IL16: variants seen among roughly 807,000 people sequenced by gnomAD.
The protein encoded by IL16 is pro-interleukin-16.
IL16 carries 67 observed loss-of-function variants against 110.1 expected under a neutral mutation model. The observed-to-expected ratio is 0.61, with a 90% CI of 0.50 to 0.75. The LOEUF (loss-of-function observed/expected upper bound fraction) is 0.75, where lower values mean the gene tolerates loss of function less well. IL16 is among the 30% of genes least tolerant of loss of function. The pLI is 0.00. For missense variants in IL16, 1,545 were observed against 1,655.0 expected, an observed-to-expected ratio of 0.93 and a Z score of 1.15; for synonymous variants, 689 against 662.9, an observed-to-expected ratio of 1.04 and a Z score of -0.61.
At chr15:81,288,200 A>C (rs147885880) in intron 10 of IL16, among the ~76,000 whole-genome samples, 9 of 152,318 alleles carry the variant, frequency 5.9e-5, no homozygotes, top group African/African-American at 1.9e-4. Context: ...GGGCACAGGC[A>C]TAGGGCAGAG....
chr15:81,188,231 T>C, intron 1 of IL16: 1 of 430,746 alleles, frequency 2.3e-6, no homozygotes, highest in South Asian at 1.7e-5. Flanking sequence ...TTGCAGGTAG[T>C]GTCGGGCAGA....
intron 1 of IL16, among the ~76,000 whole-genome samples, chr15:81,199,798 C>T (rs1440182112): frequency 6.6e-6 from 1 of 152,214 alleles, no homozygotes; most frequent in South Asian, 2.1e-4. Flanking sequence ...TTTCTGCAGT[C>T]TGGCATCGGC....
intron 18 of IL16, 119 bp downstream of exon 18, chr15:81,306,664 A>C: frequency 8.0e-7 from 1 of 1,242,410 alleles, no homozygotes; most frequent in Non-Finnish European, 1.2e-6. Flanking sequence ...TGTCCTCTTC[A>C]TAGGCATGCT....
At chr15:81,271,517 G>A (rs1242726980) in intron 5 of IL16, among the ~76,000 whole-genome samples, 2 of 152,004 alleles carry the variant, frequency 1.3e-5, no homozygotes, top group Non-Finnish European at 2.9e-5. Flanking sequence ...ATATGGAGAC[G>A]GGGGACCTGG....
chr15:81,259,070 TAA>T (rs952704256), intron 2 of IL16, among the ~76,000 whole-genome samples: 3 of 152,254 alleles, frequency 2.0e-5, no homozygotes, highest in African/African-American at 7.2e-5. Flanking sequence ...AGAAAAAGGA[TAA>T]GAGAACCATA....
At chr15:81,206,477 A>G (rs1368104636) in intron 1 of IL16, among the ~76,000 whole-genome samples, 1 of 152,242 alleles carries the variant, frequency 6.6e-6, no homozygotes, top group Non-Finnish European at 1.5e-5. Context: ...TCACATTTGA[A>G]TATATACATA....
intron 6 of IL16, among the ~76,000 whole-genome samples, chr15:81,276,188 C>T (rs941674674): frequency 6.6e-6 from 1 of 152,158 alleles, no homozygotes; most frequent in Non-Finnish European, 1.5e-5. Flanking sequence ...TTTTATTTTT[C>T]ACTTTGGCTC....
chr15:81,233,591 C>T (rs2032017727), intron 2 of IL16, among the ~76,000 whole-genome samples: 2 of 151,008 alleles, frequency 1.3e-5, no homozygotes, highest in African/African-American at 4.9e-5. Context: ...AATATATATA[C>T]ATGCATATAC....
intron 5 of IL16, among the ~76,000 whole-genome samples, chr15:81,270,696 A>T (rs867878810): frequency 6.6e-6 from 1 of 152,322 alleles, no homozygotes; most frequent in East Asian, 1.9e-4. Context: ...AATTGTTTGC[A>T]GTGCCCAAAA....
chr15:81,252,656 G>A (rs1328624407), intron 2 of IL16, among the ~76,000 whole-genome samples: 5 of 152,128 alleles, frequency 3.3e-5, no homozygotes, highest in African/African-American at 7.2e-5. Context: ...ATTCCTGCCC[G>A]ATCCCTAATT....
intron 1 of IL16, among the ~76,000 whole-genome samples, chr15:81,218,503 T>C (rs531791666): frequency 5.3e-4 from 80 of 152,302 alleles, no homozygotes; most frequent in Non-Finnish European, 1.6e-4. Context: ...TCACAACTAC[T>C]AGCTGACAAA....
At position 81,185,262 on chromosome 15, in the gene IL16, G is replaced by A. The variant is rs182502342; in HGVS notation, c.40+2366G>A. 4.6e-4 allele frequency among the ~76,000 whole-genome samples: 70 copies of A among 152,212 alleles called. No individual in the cohort carries two copies. In the Middle Eastern group the frequency reaches 0.01, roughly 22 times the overall value. On this transcript the variant is annotated intron_variant, in intron 1 of 18. Transcript: ENST00000302987. ...CATGGATATAGTTTTATTACTCTCC[G>A]TCTCCTCCTAATTTCCTATTTACTT...
At chr15:81,282,825 C>G (rs780696296) in intron 9 of IL16, 69 bp downstream of exon 9, 3 of 1,162,496 alleles carry the variant, frequency 2.6e-6, no homozygotes, top group Non-Finnish European at 3.9e-6. Context: ...CTTAGAATGT[C>G]GGGAGATTGA....
At chr15:81,260,117 G>C (rs763923362) in intron 3 of IL16, among the ~76,000 whole-genome samples, 3 of 152,142 alleles carry the variant, frequency 2.0e-5, no homozygotes. Context: ...AGAAGAGACC[G>C]GGCTTTACTC....
rs267604343 is a variant in IL16 at position 81,308,688 on chromosome 15, C to A, written c.3889C>A (p.Arg1297=). ...TGGCACTGCCATGCAGGGCCTCACA[C>A]GGTTTGAAGCCTGGAACATCATCAA... ...LGGTAMQGLT[R]FEAWNIIKAL... The change falls in exon 19 of 19, where the codon CGG becomes AGG. Residue 1297 remains arginine, a synonymous_variant. Transcript: ENST00000683961. 1 of 1,613,690 alleles carries A rather than the reference C, an allele frequency of 6.2e-7. No individual in the cohort carries two copies. The highest frequency in any genetic ancestry group is 8.5e-7 in the Non-Finnish European group (1 of 1,179,584).
intron 1 of IL16, among the ~76,000 whole-genome samples, chr15:81,207,879 T>G (rs1896095123): frequency 6.6e-6 from 1 of 152,022 alleles, no homozygotes; most frequent in Non-Finnish European, 1.5e-5. Flanking sequence ...CGGTTTTTCT[T>G]TGGGTATATA....
intron 1 of IL16, among the ~76,000 whole-genome samples, chr15:81,222,472 T>G (rs1223344770): frequency 6.6e-6 from 1 of 151,688 alleles, no homozygotes. Flanking sequence ...GATGCCCATA[T>G]GATAATGTCT....
intron 6 of IL16, 80 bp downstream of exon 6, chr15:81,273,284 T>C: frequency 9.5e-7 from 1 of 1,054,170 alleles, no homozygotes; most frequent in East Asian, 2.5e-5. Flanking sequence ...TAGAAGATGT[T>C]GGGAATGCAA....
At chr15:81,305,797 T>G in intron 16 of IL16, 111 bp from the exon 17 acceptor site, 1 of 1,319,916 alleles carries the variant, frequency 7.6e-7, no homozygotes, top group Non-Finnish European at 1.0e-6. Context: ...TCTTTAATCT[T>G]TGTTGGCCTA....
Sources: gnomAD v4.1 joint callset for allele counts (sites outside exome capture counted in the v4.1 genomes callset) on GRCh38, gnomAD v4.1.1 for gene constraint, MANE v1.5 for transcripts, NCBI Gene and HGNC (gene_info 2026-07-23, HGNC 2026-07-21) for gene names.